The following BCAR3 variants were observed in gnomAD, a reference collection of about 807,000 sequenced individuals.
The protein encoded by BCAR3 is breast cancer anti-estrogen resistance protein 3.
In BCAR3, 37 loss-of-function variants were observed where a neutral mutation model predicts 80.1. The observed-to-expected ratio is 0.46, with a 90% CI of 0.36 to 0.61. The LOEUF (loss-of-function observed/expected upper bound fraction) is 0.61, where lower values mean the gene tolerates loss of function less well. Among genes scored for constraint, BCAR3 ranks in the 20% least tolerant of loss-of-function variants. The pLI is 0.00. For missense variants in BCAR3, 978 were observed against 1,068.2 expected, an observed-to-expected ratio of 0.92 and a Z score of 1.18; for synonymous variants, 389 against 418.9, an observed-to-expected ratio of 0.93 and a Z score of 0.87.
At chr1:93,809,443 G>A (rs551536352) in intron 2 of BCAR3, among the ~76,000 whole-genome samples, 2 of 152,188 alleles carry the variant, frequency 1.3e-5, no homozygotes, top group African/African-American at 4.8e-5. Flanking sequence ...TATTTCTCAC[G>A]ATAAAGTCTT....
chr1:93,641,700 C>T (rs533368604), intron 3 of BCAR3, among the ~76,000 whole-genome samples: 1 of 152,288 alleles, frequency 6.6e-6, no homozygotes, highest in South Asian at 2.1e-4. Context: ...TACTTGGCCC[C>T]AGATTAGCCC....
chr1:93,582,160 C>T, intron 7 of BCAR3, 141 bp downstream of exon 7: 1 of 1,121,824 alleles, frequency 8.9e-7, no homozygotes, highest in Non-Finnish European at 1.2e-6. Flanking sequence ...TTCCTATGGG[C>T]AAAGCATTTA....
Position 93,592,445 on chromosome 1 carries a change from A to G in BCAR3, c.358-52T>C, listed in dbSNP as rs777961406. On this transcript the variant is annotated intron_variant, in intron 3 of 11. Transcript: ENST00000260502. The surrounding 1 kb of genome is among the most constrained non-coding windows in gnomAD (Gnocchi z 4.8). ...CACCCTGCCCAGGCCACACCAGGCC[A>G]TGCCAGCTGGAGGTGACCGCCTGCT... The G allele has an allele frequency of 1.3e-6, 2 of 1,528,976 alleles. No homozygotes were observed. Among genetic ancestry groups the G allele is most frequent in the African/African-American group, 1.4e-5 (1 of 71,994 alleles). 94.7% of individuals were successfully genotyped at this position (1,528,976 alleles called of 1,614,324 possible). A position where few individuals can be genotyped will look rare whatever the true frequency, so the allele number is the denominator to read the frequency against.
intron 2 of BCAR3, among the ~76,000 whole-genome samples, chr1:93,723,702 T>C (rs1466961930): frequency 6.6e-6 from 1 of 152,138 alleles, no homozygotes; most frequent in Non-Finnish European, 1.5e-5. Context: ...TGAATGATCC[T>C]GAGACATGAA....
chr1:93,707,933 A>G (rs1209928719), intron 2 of BCAR3, among the ~76,000 whole-genome samples: 2 of 152,194 alleles, frequency 1.3e-5, no homozygotes, highest in African/African-American at 4.8e-5. Flanking sequence ...CACATACACA[A>G]AATAAACAAC....
intron 3 of BCAR3, among the ~76,000 whole-genome samples, chr1:93,624,878 C>T (rs1182920569): frequency 6.6e-6 from 1 of 152,234 alleles, no homozygotes; most frequent in Non-Finnish European, 1.5e-5. Context: ...CCTTGCCAGC[C>T]TCTGGCTGAA....
Position 93,584,149 on chromosome 1 carries a change from A to C in BCAR3, c.930-28T>G, listed in dbSNP as rs746278056. 14 of 1,601,506 alleles carry C rather than the reference A, an allele frequency of 8.7e-6. No homozygotes were observed. In the African/African-American group the frequency reaches 1.7e-4, roughly 20 times the overall value. ...GAAGTAAAAGACACATAGGATGGAA[A>C]TGTGTTACTAACGTGTAAAATAAAA... On this transcript the variant is annotated intron_variant, in intron 5 of 11. Coordinates refer to ENST00000260502, the MANE Select transcript of BCAR3 (RefSeq NM_003567.4).
At chr1:93,590,821 G>A in intron 4 of BCAR3, among the ~76,000 whole-genome samples, 1 of 152,292 alleles carries the variant, frequency 6.6e-6, no homozygotes, top group South Asian at 2.1e-4. Context: ...TATGTGTCCA[G>A]TAAATTGTAG....
At chr1:93,814,159 T>C (rs191381290) in intron 2 of BCAR3, among the ~76,000 whole-genome samples, 1 of 152,250 alleles carries the variant, frequency 6.6e-6, no homozygotes, top group Non-Finnish European at 1.5e-5. Flanking sequence ...AGGCAGTAAA[T>C]GGCCTCTTGG....
chr1:93,639,740 G>T (rs139843634), intron 3 of BCAR3, among the ~76,000 whole-genome samples: 1,740 of 152,078 alleles, frequency 0.011, 27 homozygotes, highest in African/African-American at 0.037. Context: ...GCCTCCCAAA[G>T]TGCTGGGATT....
intron 2 of BCAR3, among the ~76,000 whole-genome samples, chr1:93,740,050 G>T (rs1484376823): frequency 1.4e-5 from 2 of 147,436 alleles, no homozygotes; most frequent in Non-Finnish European, 3.0e-5. Flanking sequence ...AAAAAAAAAA[G>T]AAAGAAAGAA....
chr1:93,613,140 G>A (rs116199233), intron 3 of BCAR3, among the ~76,000 whole-genome samples: 2,052 of 152,232 alleles, frequency 0.013, 27 homozygotes, highest in Middle Eastern at 0.02. Context: ...GGCTGGGGCC[G>A]ACAGGCTTTT....
At chr1:93,578,089 C>T (rs1289805737) in intron 7 of BCAR3, among the ~76,000 whole-genome samples, 2 of 152,184 alleles carry the variant, frequency 1.3e-5, no homozygotes, top group South Asian at 4.1e-4. Flanking sequence ...GGCAGAAGCA[C>T]CCCCGATGAG....
chr1:93,735,420 G>A (rs577206774), intron 2 of BCAR3, among the ~76,000 whole-genome samples: 1 of 152,274 alleles, frequency 6.6e-6, no homozygotes, highest in East Asian at 1.9e-4. Context: ...GACAACATGG[G>A]ATCATTTTGA....
chr1:93,764,199 G>T (rs1257621199), intron 2 of BCAR3, among the ~76,000 whole-genome samples: 1 of 151,890 alleles, frequency 6.6e-6, no homozygotes, highest in African/African-American at 2.4e-5. Flanking sequence ...ACCCCACGCT[G>T]CTGCCTGGGT....
intron 2 of BCAR3, among the ~76,000 whole-genome samples, chr1:93,649,057 A>G (rs1676238251): frequency 2.6e-5 from 4 of 152,226 alleles, no homozygotes; most frequent in Admixed American, 2.6e-4. Context: ...ATTAAGATGC[A>G]TAAGAAAGCT....
intron 2 of BCAR3, among the ~76,000 whole-genome samples, chr1:93,797,188 C>T (rs1043710000): frequency 5.9e-5 from 9 of 152,284 alleles, no homozygotes; most frequent in Non-Finnish European, 1.3e-4. Context: ...GATTGTTGGG[C>T]TTTGGCATAG....
chr1:93,683,834 T>C (rs901697314), upstream of BCAR3, among the ~76,000 whole-genome samples: 3 of 152,230 alleles, frequency 2.0e-5, no homozygotes, highest in African/African-American at 7.2e-5. Context: ...TAATATTCTA[T>C]TTATTAATCC....
intron 2 of BCAR3, among the ~76,000 whole-genome samples, chr1:93,728,995 T>C (rs1325848153): frequency 6.6e-6 from 1 of 152,176 alleles, no homozygotes; most frequent in African/African-American, 2.4e-5. Context: ...CCGGCTTCCC[T>C]ATCATTTAAA....
Sources: allele counts gnomAD v4.1 joint callset (sites outside exome capture counted in the v4.1 genomes callset), GRCh38; gene constraint gnomAD v4.1.1; non-coding constraint Gnocchi (gnomAD v3.1); transcripts MANE v1.5; gene names NCBI Gene and HGNC (gene_info 2026-07-23, HGNC 2026-07-21).